Variants in SIRPA observed in about 807,000 individuals in gnomAD.
SIRPA encodes tyrosine-protein phosphatase non-receptor type substrate 1.
SIRPA carries 9 observed loss-of-function variants against 50.3 expected under a neutral mutation model. The observed-to-expected ratio is 0.18, with a 90% CI of 0.11 to 0.31. The LOEUF (loss-of-function observed/expected upper bound fraction) is 0.31. Among genes scored for constraint, SIRPA ranks in the 10% least tolerant of loss-of-function variants. SIRPA has a pLI of 1.00. For missense variants in SIRPA, 474 were observed against 661.6 expected, an observed-to-expected ratio of 0.72 and a Z score of 3.11; for synonymous variants, 265 against 284.1, an observed-to-expected ratio of 0.93 and a Z score of 0.68.
At chr20:1,897,890 G>A (rs6045307) in intron 1 of SIRPA, among the ~76,000 whole-genome samples, 6 of 152,206 alleles carry the variant, frequency 3.9e-5, no homozygotes, top group Non-Finnish European at 7.3e-5. Flanking sequence ...CCCAATGTGA[G>A]GCCTGTTTCC....
rs1423007172 is a variant in SIRPA at position 1,934,653 on chromosome 20, A to C, written c.1227-62A>C. On this transcript the variant is annotated intron_variant, in intron 6 of 7. Transcript: ENST00000358771. The surrounding 1 kb of genome is among the most constrained non-coding windows in gnomAD (Gnocchi z 4.6). ...ATGGAGCCTAAATGTTATTCTTATC[A>C]GTTTGCATGAGCACTTGAGATAGTG... 1.3e-6 allele frequency: 2 copies of C among 1,516,934 alleles called. No homozygotes were observed. Among genetic ancestry groups the C allele is most frequent in the African/African-American group, 2.7e-5 (2 of 72,834 alleles). The allele number at this position is 1,516,934 out of a possible 1,614,324, so 94.0% of individuals were successfully genotyped here.
intron 4 of SIRPA, among the ~76,000 whole-genome samples, chr20:1,922,876 A>C (rs1233104265): frequency 1.3e-5 from 2 of 152,226 alleles, no homozygotes; most frequent in Non-Finnish European, 2.9e-5. Flanking sequence ...TTTATATCAC[A>C]GGAGGAAAGA....
rs753704355 is a variant in SIRPA at position 1,902,691 on chromosome 20, G to C, written c.79+7165G>C. On this transcript the variant is annotated intron_variant, in intron 1 of 7. Coordinates refer to ENST00000358771, the MANE Select transcript of SIRPA (RefSeq NM_001040023.2). Reference sequence around the variant, plus strand: ...GGTTAGTCAGGACAGAGGGAGGGCCGCTCTAAGGAGCAGAGGCCTCAAGAA... The same window carrying C: ...GGTTAGTCAGGACAGAGGGAGGGCCCCTCTAAGGAGCAGAGGCCTCAAGAA... Among the ~76,000 whole-genome samples, 4 of 152,104 alleles carry C rather than the reference G, an allele frequency of 2.6e-5. No individual in the cohort carries two copies. The South Asian group carries it at 8.3e-4, about 32-fold the overall frequency.
chr20:1,911,530 G>A (rs1366811435), intron 1 of SIRPA, among the ~76,000 whole-genome samples: 1 of 152,100 alleles, frequency 6.6e-6, no homozygotes, highest in Non-Finnish European at 1.5e-5. Flanking sequence ...TTCCACATAG[G>A]GGATAGGCCG....
rs1049335909 is a variant in SIRPA, at chr20:1,931,458, A to G, written c.1227-3257A>G. ...TCTTGCTGTCTATTTCTTCTTCCCCAGAGAAACCAACCGTTTTCTGCCTGT... is the reference window on the plus strand; with the variant it reads ...TCTTGCTGTCTATTTCTTCTTCCCCGGAGAAACCAACCGTTTTCTGCCTGT... On this transcript the variant is annotated intron_variant, in intron 6 of 7. Coordinates refer to ENST00000358771, the MANE Select transcript of SIRPA (RefSeq NM_001040023.2). 5.3e-5 allele frequency among the ~76,000 whole-genome samples: 8 copies of G among 152,190 alleles called. 1 individual carries two copies. In the East Asian group the frequency reaches 1.5e-3, roughly 29 times the overall value.
rs6136395 is a variant in SIRPA, at chr20:1,922,597, C to T, written c.1039C>T (p.Leu347=). The T allele has an allele frequency of 1.2e-5, 20 of 1,613,996 alleles. No homozygotes were observed. The highest frequency in any genetic ancestry group is 1.6e-5 in the Non-Finnish European group (19 of 1,179,934). The stretch of plus-strand genomic sequence containing the variant: ...GCCAGCGGTCAGCAAAAGCCATGAC[C>T]TGAAGGTCTCAGCCCACCCGAAGGA... ...GQPAVSKSHD[L]KVSAHPKEQG... Residue 347 remains leucine, a synonymous_variant, in exon 4 of 8, where the codon CTG becomes TTG. Coordinates refer to ENST00000358771, the MANE Select transcript of SIRPA (RefSeq NM_001040023.2).
chr20:1,922,059 G>A (rs1268470724), intron 3 of SIRPA, among the ~76,000 whole-genome samples: 2 of 152,200 alleles, frequency 1.3e-5, no homozygotes, highest in African/African-American at 2.4e-5. Flanking sequence ...CTGCATGCCA[G>A]GGGTGGTGCT....
At chr20:1,894,376 C>G (rs568072463), upstream of SIRPA, 3 of 152,150 alleles carry the variant, frequency 2.0e-5, no homozygotes, top group South Asian at 6.2e-4. The surrounding 1 kb of genome is among the most constrained non-coding windows in gnomAD (Gnocchi z 4.0). Flanking sequence ...GCAACTTCCC[C>G]GGTCCACCTT....
intron 1 of SIRPA, among the ~76,000 whole-genome samples, chr20:1,902,267 G>A (rs1379080498): frequency 6.6e-6 from 1 of 152,004 alleles, no homozygotes. Flanking sequence ...CTTCATGTGA[G>A]CTGTTACCTG....
At chr20:1,935,334 C>T (rs1052388617) in intron 7 of SIRPA, among the ~76,000 whole-genome samples, 3 of 152,366 alleles carry the variant, frequency 2.0e-5, no homozygotes, top group Admixed American at 6.5e-5. Flanking sequence ...TTATCACCGG[C>T]TGATGCTGTC....
chr20:1,919,385 C>T lies in SIRPA; in HGVS notation c.437-2010C>T, dbSNP rs988135641. Among the ~76,000 whole-genome samples, 3 of 152,144 alleles carry T rather than the reference C, an allele frequency of 2.0e-5. No individual in the cohort carries two copies. In the South Asian group the frequency reaches 6.2e-4, roughly 32 times the overall value. On this transcript the variant is annotated intron_variant, in intron 2 of 7. Coordinates refer to ENST00000358771, the MANE Select transcript of SIRPA (RefSeq NM_001040023.2). ...CGGAGGACAAGTTGGAAAAGATGGT[C>T]CTCTTGGGGTGCCAGATGGGAGAAC... is the stretch of plus-strand genomic sequence containing the variant.
At chr20:1,894,644 C>CCGCGGCGGCT (rs1983647048), upstream of SIRPA, 1 of 150,534 alleles carries the variant, frequency 6.6e-6, no homozygotes, top group South Asian at 2.1e-4. This position sits in a 1 kb window ranked among gnomAD's most constrained non-coding sequence, Gnocchi z 4.0. Context: ...CCCCAGCGGG[C>CCGCGGCGGCT]CGCGGCGGCT....
chr20:1,909,016 T>C (rs886213283), intron 1 of SIRPA, among the ~76,000 whole-genome samples: 12 of 152,128 alleles, frequency 7.9e-5, no homozygotes, highest in African/African-American at 9.7e-5. Flanking sequence ...CAGAAGATAG[T>C]AGAGGCAGCC....
chr20:1,911,352 T>C lies in SIRPA; in HGVS notation c.80-3747T>C, dbSNP rs1020453620. Among the ~76,000 whole-genome samples the C allele has an allele frequency of 3.9e-4, 60 of 152,258 alleles. 1 individual carries two copies. The highest frequency in any genetic ancestry group is 4.4e-5 in the Non-Finnish European group (3 of 68,044). ...TCAGAATGTTGATTACAGTTATCTT[T>C]GATGGTATGATGTGAGATTATTACT... On this transcript the variant is annotated intron_variant, in intron 1 of 7. Transcript: ENST00000358771.
chr20:1,914,948 T>C, intron 1 of SIRPA, 151 bp from the exon 2 acceptor site: 2 of 719,186 alleles, frequency 2.8e-6, no homozygotes, highest in Admixed American at 2.8e-5. Flanking sequence ...AGGTTTGTTG[T>C]GAGGGTCAAA....
rs1403966607 is a variant in SIRPA at position 1,927,818 on chromosome 20, C to G, written c.1202-57C>G. 1 of 1,561,976 alleles carries G rather than the reference C, an allele frequency of 6.4e-7. No homozygotes were observed. Among genetic ancestry groups the G allele is most frequent in the Non-Finnish European group, 8.8e-7 (1 of 1,132,574 alleles). On this transcript the variant is annotated intron_variant, in intron 5 of 7. Coordinates refer to ENST00000358771, the MANE Select transcript of SIRPA (RefSeq NM_001040023.2). This position sits in a 1 kb window ranked among gnomAD's most constrained non-coding sequence, Gnocchi z 6.5. ...CAAACCTTTTGCCAAAAAATAGTTA[C>G]ATAAGAAAAGTGTGCTTCTAGTTAA...
At chr20:1,918,421 C>T (rs528264756) in intron 2 of SIRPA, among the ~76,000 whole-genome samples, 6 of 147,334 alleles carry the variant, frequency 4.1e-5, no homozygotes, top group South Asian at 2.2e-4. Flanking sequence ...CATGTTGGCC[C>T]GGCTGGTCCC....
Position 1,932,329 on chromosome 20 carries a change from G to A in SIRPA, c.1227-2386G>A, listed in dbSNP as rs1396629568. On this transcript the variant is annotated intron_variant, in intron 6 of 7. Coordinates refer to ENST00000358771, the MANE Select transcript of SIRPA (RefSeq NM_001040023.2). This position sits in a 1 kb window ranked among gnomAD's most constrained non-coding sequence, Gnocchi z 6.0. The stretch of plus-strand genomic sequence containing the variant: ...GGTCTGGGGCGAGCAGGGAGGGCTT[G>A]TCTGCAAGGTGACATTTAGAAGATC... 6.6e-6 allele frequency among the ~76,000 whole-genome samples: 1 copy of A among 152,186 alleles called. No individual in the cohort carries two copies. Among genetic ancestry groups the A allele is most frequent in the African/African-American group, 2.4e-5 (1 of 41,448 alleles).
intron 6 of SIRPA, among the ~76,000 whole-genome samples, chr20:1,929,654 A>C (rs371466678): frequency 3.0e-4 from 46 of 152,124 alleles, no homozygotes; most frequent in African/African-American, 1.0e-3. Context: ...TCCTGGTCTG[A>C]GCCCTGCCCA....
Sources: gnomAD v4.1 joint callset for allele counts (sites outside exome capture counted in the v4.1 genomes callset) on GRCh38, gnomAD v4.1.1 for gene constraint, Gnocchi (gnomAD v3.1) non-coding constraint, MANE v1.5 for transcripts, NCBI Gene and HGNC (gene_info 2026-07-23, HGNC 2026-07-21) for gene names.